HS6ST3: variants seen among roughly 807,000 people sequenced by gnomAD.
The protein encoded by HS6ST3 is heparan sulfate 6-O-sulfotransferase 3.
In HS6ST3, 12 loss-of-function variants were observed where a neutral mutation model predicts 36.7. The ratio of observed to expected loss-of-function variants is 0.33; its 90% CI spans 0.21 to 0.53. HS6ST3 has a LOEUF of 0.53. Among genes scored for constraint, HS6ST3 ranks in the 20% least tolerant of loss-of-function variants. HS6ST3 has a pLI of 0.95. For synonymous variants in HS6ST3, 240 were observed against 257.5 expected (o/e 0.93, Z 0.65); for missense variants, 584 against 640.9 (o/e 0.91, Z 0.96).
Position 96,099,896 on chromosome 13 carries a change from T to C in HS6ST3, c.707+8327T>C, listed in dbSNP as rs148723269. ...TGTAGAAACTTCAAATGTGAAAATA[T>C]AGACCTAGAAAGAAGAGCAAACACG... On this transcript the variant is annotated intron_variant, in intron 1 of 1. Coordinates refer to ENST00000376705, the MANE Select transcript of HS6ST3 (RefSeq NM_153456.4). 1.4e-3 allele frequency among the ~76,000 whole-genome samples: 213 copies of C among 152,310 alleles called. 1 individual carries two copies. The highest frequency in any genetic ancestry group is 4.8e-3 in the African/African-American group (199 of 41,556).
chr13:96,380,048 T>G (rs1329141097), intron 1 of HS6ST3, among the ~76,000 whole-genome samples: 1 of 152,202 alleles, frequency 6.6e-6, no homozygotes, highest in Non-Finnish European at 1.5e-5. Context: ...ATTCAACCTT[T>G]ACTCAGACAG....
rs1270945566 is a variant in HS6ST3 at position 96,090,587 on chromosome 13, G to GCCGGC, written c.-271_-267dup. 6.8e-6 allele frequency among the ~76,000 whole-genome samples: 1 copy of GCCGGC among 146,060 alleles called. No individual in the cohort carries two copies. The highest frequency in any genetic ancestry group is 1.5e-5 in the Non-Finnish European group (1 of 65,750). ...GCGCCGGGGCGGGAGCAGGGAGCGGGCCGGCCCGGGCGCACCCGGGAGCGC... is the reference window on the plus strand; with the variant it reads ...GCGCCGGGGCGGGAGCAGGGAGCGGGCCGGCCCGGCCCGGGCGCACCCGGGAGCGC... On this transcript the variant is annotated 5_prime_UTR_variant, in exon 1 of 2. Transcript: ENST00000376705.
intron 1 of HS6ST3, among the ~76,000 whole-genome samples, chr13:96,193,431 G>T (rs538719819): frequency 1.6e-4 from 25 of 152,132 alleles, no homozygotes; most frequent in Non-Finnish European, 3.5e-4. Context: ...TTGAGTAAAG[G>T]CAGAGGAAAA....
At chr13:96,120,318 T>C (rs746360246) in intron 1 of HS6ST3, among the ~76,000 whole-genome samples, 1 of 152,210 alleles carries the variant, frequency 6.6e-6, no homozygotes, top group African/African-American at 2.4e-5. Flanking sequence ...CCAGTTTGTA[T>C]TAACAGTACT....
chr13:96,226,654 T>A (rs886788030), intron 1 of HS6ST3, among the ~76,000 whole-genome samples: 2 of 152,228 alleles, frequency 1.3e-5, no homozygotes, highest in Non-Finnish European at 2.9e-5. Context: ...AACAACACAT[T>A]CTGTGTTTCA....
At chr13:96,415,686 G>GA (rs977926722) in intron 1 of HS6ST3, among the ~76,000 whole-genome samples, 10 of 151,968 alleles carry the variant, frequency 6.6e-5, no homozygotes, top group Admixed American at 1.3e-4. Flanking sequence ...ATCTTACTGG[G>GA]AAAAAAAGGG....
At chr13:96,400,777 C>T (rs547522835) in intron 1 of HS6ST3, among the ~76,000 whole-genome samples, 38 of 152,214 alleles carry the variant, frequency 2.5e-4, no homozygotes, top group African/African-American at 8.9e-4. Flanking sequence ...TGGTGGTTTG[C>T]ACAAAATTTG....
At chr13:96,668,147 GTC>G (rs1002308146) in intron 1 of HS6ST3, among the ~76,000 whole-genome samples, 1 of 151,272 alleles carries the variant, frequency 6.6e-6, no homozygotes, top group Non-Finnish European at 1.5e-5. Context: ...GCACAGAGAG[GTC>G]TCTCTCTCTC....
chr13:96,690,939 T>C (rs996407458), intron 1 of HS6ST3, among the ~76,000 whole-genome samples: 4 of 152,144 alleles, frequency 2.6e-5, no homozygotes, highest in Non-Finnish European at 5.9e-5. Flanking sequence ...AAACATAAAA[T>C]GTCAAGTGTC....
chr13:96,703,259 G>A (rs766236293), intron 1 of HS6ST3, among the ~76,000 whole-genome samples: 1 of 152,162 alleles, frequency 6.6e-6, no homozygotes, highest in Admixed American at 6.5e-5. Context: ...ATTGACGTCG[G>A]CATTGCCCAT....
intron 1 of HS6ST3, among the ~76,000 whole-genome samples, chr13:96,697,555 C>T (rs1355096797): frequency 1.3e-5 from 2 of 152,038 alleles, no homozygotes; most frequent in African/African-American, 2.4e-5. Flanking sequence ...AAGAAAACAC[C>T]TATAGCTAGA....
At chr13:96,101,156 G>A (rs751102207) in intron 1 of HS6ST3, among the ~76,000 whole-genome samples, 8 of 152,140 alleles carry the variant, frequency 5.3e-5, no homozygotes, top group Non-Finnish European at 1.2e-4. Flanking sequence ...ATGATGCACA[G>A]TAGACAACAC....
At chr13:96,480,421 T>C (rs998519965) in intron 1 of HS6ST3, among the ~76,000 whole-genome samples, 1 of 152,032 alleles carries the variant, frequency 6.6e-6, no homozygotes, top group Non-Finnish European at 1.5e-5. Context: ...GCCTCCACTT[T>C]AAAAATTTAA....
At chr13:96,514,322 G>A (rs2056063211) in intron 1 of HS6ST3, among the ~76,000 whole-genome samples, 2 of 152,164 alleles carry the variant, frequency 1.3e-5, no homozygotes, top group African/African-American at 4.8e-5. Flanking sequence ...TTCAATGTGA[G>A]ATATAAAGTT....
intron 1 of HS6ST3, among the ~76,000 whole-genome samples, chr13:96,263,752 T>C (rs1015570336): frequency 2.6e-5 from 4 of 152,218 alleles, no homozygotes; most frequent in South Asian, 2.1e-4. Context: ...GAGTAGACCA[T>C]TGGCTTACAA....
rs769323153 is a variant in HS6ST3 at position 96,742,826 on chromosome 13, A to G, written c.708-89664A>G. On this transcript the variant is annotated intron_variant, in intron 1 of 1. Transcript: ENST00000376705. ...TATATGAAACAAGTTTCAGTATGAA[A>G]TTGCATCCTATCAGTTTTCGCTATA... 3.3e-5 allele frequency among the ~76,000 whole-genome samples: 5 copies of G among 152,230 alleles called. 1 individual carries two copies. In the Middle Eastern group the frequency reaches 0.014, roughly 414 times the overall value.
At chr13:96,459,437 C>A (rs1453746863) in intron 1 of HS6ST3, among the ~76,000 whole-genome samples, 2 of 151,300 alleles carry the variant, frequency 1.3e-5, no homozygotes, top group Non-Finnish European at 2.9e-5. Context: ...TAAAAAAAAA[C>A]TGAAAGTCAC....
At chr13:96,468,928 T>G (rs1463667727) in intron 1 of HS6ST3, among the ~76,000 whole-genome samples, 1 of 152,206 alleles carries the variant, frequency 6.6e-6, no homozygotes, top group Non-Finnish European at 1.5e-5. Context: ...AATAAATAAT[T>G]TCAGCACCAC....
intron 1 of HS6ST3, among the ~76,000 whole-genome samples, chr13:96,474,583 GC>G (rs2055854536): frequency 6.7e-6 from 1 of 148,290 alleles, no homozygotes; most frequent in Admixed American, 7.0e-5. Context: ...TATAGCATTT[GC>G]TATACAGTAA....
Sources: gnomAD v4.1 joint callset for allele counts (sites outside exome capture counted in the v4.1 genomes callset) on GRCh38, gnomAD v4.1.1 for gene constraint, MANE v1.5 for transcripts, NCBI Gene and HGNC (gene_info 2026-07-23, HGNC 2026-07-21) for gene names.